The following GOSR2 variants were observed in gnomAD, a reference collection of about 807,000 sequenced individuals.
The protein encoded by GOSR2 is 27 kDa Golgi SNARE protein.
GOSR2 carries 20 observed loss-of-function variants against 27.9 expected under a neutral mutation model. That is an observed-to-expected ratio of 0.72 (90% CI 0.50 to 1.04). GOSR2 has a LOEUF of 1.04. Ranked by LOEUF, GOSR2 falls within the 50% of genes least tolerant of loss-of-function variation. GOSR2 has a pLI of 0.00. For missense variants in GOSR2, 261 were observed against 270.5 expected (o/e 0.97, Z 0.25); for synonymous variants, 91 against 98.8 (o/e 0.92, Z 0.47).
intron 6 of GOSR2, among the ~76,000 whole-genome samples, chr17:46,950,811 C>T (rs2090282834): frequency 6.6e-6 from 1 of 152,172 alleles, no homozygotes; most frequent in African/African-American, 2.4e-5. Context: ...GTTCCAAATC[C>T]CAGAACAGAG....
intron 6 of GOSR2, chr17:46,964,351 C>A (rs943366950): frequency 6.6e-6 from 1 of 152,446 alleles, no homozygotes; most frequent in East Asian, 1.9e-4. Context: ...CAGCTGCAAA[C>A]AGATTTCTAG....
chr17:46,939,552 C>A lies in GOSR2; in HGVS notation c.*792C>A. 3 of 985,442 alleles carry A rather than the reference C, an allele frequency of 3.0e-6. No homozygotes were observed. The highest frequency in any genetic ancestry group is 3.6e-6 in the Non-Finnish European group (3 of 829,924). The allele number at this position is 985,442 out of a possible 1,614,324, so 61.0% of individuals were successfully genotyped here. On this transcript the variant is annotated 3_prime_UTR_variant, in exon 6 of 6. Coordinates refer to ENST00000640051, the MANE Select transcript of GOSR2 (RefSeq NM_004287.5). ...GCGCCCAGGCTTTGTGGGCCTTTGC[C>A]CCTTAGAAAGTAGCTGTAGGCAAAG...
downstream of GOSR2, among the ~76,000 whole-genome samples, chr17:46,945,763 G>A (rs147817053): frequency 1.9e-3 from 290 of 152,288 alleles, 5 homozygotes; most frequent in African/African-American, 6.7e-3. Flanking sequence ...TGAGGCAGAA[G>A]CTCAGGGAGT....
chr17:46,967,840 C>A (rs74910451), downstream of GOSR2, among the ~76,000 whole-genome samples: 2,018 of 152,054 alleles, frequency 0.013, 40 homozygotes, highest in African/African-American at 0.047. Context: ...GGTAGGGGGC[C>A]CAGAGACCAT....
In GOSR2 at chr17:46,941,127, G is replaced by A. The variant is rs1441863978; in HGVS notation, c.*2367G>A. ...ATTTAAAACAGGTGGGTTATCAAGAGGAACTTGAGATCTCTTTATTACATG... is the reference window on the plus strand; with the variant it reads ...ATTTAAAACAGGTGGGTTATCAAGAAGAACTTGAGATCTCTTTATTACATG... On this transcript the variant is annotated 3_prime_UTR_variant, in exon 6 of 6. Transcript: ENST00000640051. 2.9e-6 allele frequency: 3 copies of A among 1,020,476 alleles called. No individual in the cohort carries two copies. In the African/African-American group the frequency reaches 5.1e-5, roughly 17 times the overall value. 63.2% of individuals were successfully genotyped at this position (1,020,476 alleles called of 1,614,324 possible).
chr17:46,952,105 T>C (rs951396326), intron 6 of GOSR2, among the ~76,000 whole-genome samples: 1 of 152,238 alleles, frequency 6.6e-6, no homozygotes, highest in Non-Finnish European at 1.5e-5. Context: ...ATTTTCTTTC[T>C]ATTCCAGAAA....
At chr17:46,949,871 TG>T (rs2090199687) in intron 6 of GOSR2, among the ~76,000 whole-genome samples, 1 of 152,104 alleles carries the variant, frequency 6.6e-6, no homozygotes, top group South Asian at 2.1e-4. Context: ...AGGTTCAGTG[TG>T]GAGGAGGGAA....
At chr17:46,957,045 A>T (rs2090763712) in intron 6 of GOSR2, among the ~76,000 whole-genome samples, 1 of 152,208 alleles carries the variant, frequency 6.6e-6, no homozygotes, top group Admixed American at 6.5e-5. Flanking sequence ...ACGGTGGCTC[A>T]CACTTGTAGT....
At chr17:46,949,780 G>A (rs755181290) in intron 6 of GOSR2, among the ~76,000 whole-genome samples, 12 of 152,186 alleles carry the variant, frequency 7.9e-5, no homozygotes, top group Non-Finnish European at 1.6e-4. Context: ...CTGGGCGGAC[G>A]GTCTCAGCAG....
downstream of GOSR2, chr17:46,967,003 T>G (rs2091340877): frequency 4.0e-6 from 1 of 249,706 alleles, no homozygotes; most frequent in African/African-American, 2.2e-5. Context: ...TTCTGTGATG[T>G]GTGAAGTCCC....
At chr17:46,951,828 C>T (rs1276219306) in intron 6 of GOSR2, among the ~76,000 whole-genome samples, 1 of 152,194 alleles carries the variant, frequency 6.6e-6, no homozygotes, top group Non-Finnish European at 1.5e-5. Context: ...CCCCACTCTG[C>T]CCGCCTTTCA....
At chr17:46,957,427 ACATGGTGAAACCCCAT>A (rs2147275065) in intron 6 of GOSR2, among the ~76,000 whole-genome samples, 1 of 152,322 alleles carries the variant, frequency 6.6e-6, no homozygotes, top group South Asian at 2.1e-4. Context: ...AGCCTGGCCA[ACATGGTGAAACCCCAT>A]CTCTACTAAA....
At chr17:46,932,578 G>A in intron 4 of GOSR2, 1 of 467,298 alleles carries the variant, frequency 2.1e-6, no homozygotes, top group Non-Finnish European at 3.8e-6. Context: ...CTGCCTGCGG[G>A]CAGTTGCCAT....
At chr17:46,969,950 G>C (rs1264525375), downstream of GOSR2, among the ~76,000 whole-genome samples, 9 of 152,086 alleles carry the variant, frequency 5.9e-5, no homozygotes, top group Non-Finnish European at 1.3e-4. Context: ...TGTGCGGGGT[G>C]GGGGAACAAA....
At chr17:46,971,005 G>C (rs886461765), downstream of GOSR2, among the ~76,000 whole-genome samples, 3 of 152,140 alleles carry the variant, frequency 2.0e-5, no homozygotes, top group African/African-American at 7.2e-5. Flanking sequence ...GCTACTGTTT[G>C]CCAACATTTT....
intron 6 of GOSR2, among the ~76,000 whole-genome samples, chr17:46,960,705 G>A (rs957855280): frequency 6.6e-6 from 1 of 152,178 alleles, no homozygotes; most frequent in Admixed American, 6.5e-5. Flanking sequence ...AACTACTGAA[G>A]TGTGAAACGA....
intron 5 of GOSR2, chr17:46,936,133 G>C (rs1776702250): frequency 1.0e-6 from 1 of 985,746 alleles, no homozygotes; most frequent in African/African-American, 1.7e-5. Context: ...TGGCCTGGAA[G>C]GGTGGTCTCC....
chr17:46,926,390 G>C (rs1206018526), intron 1 of GOSR2, among the ~76,000 whole-genome samples: 1 of 152,108 alleles, frequency 6.6e-6, no homozygotes, highest in Non-Finnish European at 1.5e-5. Context: ...GCGGTGAGTA[G>C]TTTCATGAAC....
At chr17:46,963,543 C>CA (rs34316777) in intron 6 of GOSR2, among the ~76,000 whole-genome samples, 4,215 of 137,658 alleles carry the variant, frequency 0.031, 192 homozygotes, top group African/African-American at 0.11. Flanking sequence ...GGCTCGGTCT[C>CA]AAAAAAAAAA....
Sources: allele counts gnomAD v4.1 joint callset (sites outside exome capture counted in the v4.1 genomes callset), GRCh38; gene constraint gnomAD v4.1.1; transcripts MANE v1.5; gene names NCBI Gene and HGNC (gene_info 2026-07-23, HGNC 2026-07-21).